CDH13: variants seen among roughly 807,000 people sequenced by gnomAD.
CDH13 encodes the protein cadherin 13.
A neutral mutation model predicts 63.8 loss-of-function variants in CDH13; 24 were observed. The ratio of observed to expected loss-of-function variants is 0.38; its 90% CI spans 0.27 to 0.53. The LOEUF is 0.53. Ranked by LOEUF, CDH13 falls within the 20% of genes least tolerant of loss-of-function variation. The pLI is 0.85. For synonymous variants in CDH13, 503 were observed against 355.3 expected, an observed-to-expected ratio of 1.42 and a Z score of -4.67; for missense variants, 1,049 against 903.1, an observed-to-expected ratio of 1.16 and a Z score of -2.07.
At chr16:83,277,095 C>G (rs570562271) in intron 5 of CDH13, among the ~76,000 whole-genome samples, 3 of 152,078 alleles carry the variant, frequency 2.0e-5, no homozygotes, top group Non-Finnish European at 4.4e-5. Flanking sequence ...ACAGCCAAAT[C>G]ATATCACAGA....
intron 11 of CDH13, among the ~76,000 whole-genome samples, chr16:83,767,940 T>A (rs933377355): frequency 1.3e-5 from 2 of 152,058 alleles, no homozygotes; most frequent in Non-Finnish European, 2.9e-5. Context: ...CGCACAACTC[T>A]GTAAATGTAC....
At chr16:83,453,787 T>C (rs929398647) in intron 6 of CDH13, among the ~76,000 whole-genome samples, 3 of 152,208 alleles carry the variant, frequency 2.0e-5, no homozygotes, top group African/African-American at 7.2e-5. Context: ...GAGCTGGGAC[T>C]CTGCAGATCA....
chr16:82,842,091 CATATATATATAT>C (rs1186963516), intron 1 of CDH13, among the ~76,000 whole-genome samples: 1 of 41,676 alleles, frequency 2.4e-5, no homozygotes, highest in Non-Finnish European at 5.7e-5. Context: ...TTGCATTCTA[CATATATATATAT>C]ATATATATGT....
At chr16:82,658,288 A>T (rs923083321) in intron 1 of CDH13, among the ~76,000 whole-genome samples, 2 of 152,184 alleles carry the variant, frequency 1.3e-5, no homozygotes, top group African/African-American at 4.8e-5. Context: ...ATTTTACAGA[A>T]AGTAATGCCA....
intron 8 of CDH13, among the ~76,000 whole-genome samples, chr16:83,653,754 G>T (rs554969546): frequency 1.3e-5 from 2 of 152,104 alleles, no homozygotes; most frequent in East Asian, 3.9e-4. Flanking sequence ...AACAAGCTGG[G>T]TATTTGATTA....
At chr16:83,299,845 T>C (rs1289019540) in intron 5 of CDH13, among the ~76,000 whole-genome samples, 5 of 152,204 alleles carry the variant, frequency 3.3e-5, no homozygotes, top group Non-Finnish European at 7.3e-5. Context: ...CACAGCTTAG[T>C]GAGATCAGGC....
intron 6 of CDH13, among the ~76,000 whole-genome samples, chr16:83,475,651 G>A (rs573717830): frequency 9.8e-4 from 149 of 151,688 alleles, no homozygotes; most frequent in African/African-American, 3.4e-3. Flanking sequence ...GTGTGATCTC[G>A]GCTCCCTGCA....
chr16:83,609,240 T>A (rs563351921), intron 8 of CDH13, among the ~76,000 whole-genome samples: 1 of 149,022 alleles, frequency 6.7e-6, no homozygotes, highest in Non-Finnish European at 1.5e-5. Flanking sequence ...CATTATGAGA[T>A]TTTTTTTTTA....
At chr16:83,745,986 A>C (rs374581942) in intron 10 of CDH13, among the ~76,000 whole-genome samples, 1 of 152,190 alleles carries the variant, frequency 6.6e-6, no homozygotes, top group Non-Finnish European at 1.5e-5. Context: ...TCGCAGCTCC[A>C]AGGTCAGACC....
chr16:83,080,871 G>GTTTTTTTTTTTTTTTTTTTTTTTTTTTT lies in CDH13; in HGVS notation c.367-44487_367-44486insTTTTTTTTTTTTTTTTTTTTTTTTTTTT, dbSNP rs71148809. 2.1e-4 allele frequency among the ~76,000 whole-genome samples: 10 copies of GTTTTTTTTTTTTTTTTTTTTTTTTTTTT among 46,956 alleles called. 2 individuals carry two copies. The highest frequency in any genetic ancestry group is 9.5e-4 in the East Asian group (1 of 1,054). The allele number at this position is 46,956 out of a possible 152,430, so 30.8% of individuals were successfully genotyped here. A position where few individuals can be genotyped will look rare whatever the true frequency, so the allele number is the denominator to read the frequency against. On this transcript the variant is annotated intron_variant, in intron 3 of 13. Coordinates refer to ENST00000567109, the MANE Select transcript of CDH13 (RefSeq NM_001257.5). Reference sequence around the variant, plus strand: ...AGATAGAGTTTTGTTTTGTTTTTGTGTTTTTTTTTTTTTTTTTTTTTTTTT... The same window carrying GTTTTTTTTTTTTTTTTTTTTTTTTTTTT: ...AGATAGAGTTTTGTTTTGTTTTTGTGTTTTTTTTTTTTTTTTTTTTTTTTTTTTTTTTTTTTTTTTTTTTTTTTTTTTT...
intron 7 of CDH13, among the ~76,000 whole-genome samples, chr16:83,580,557 T>C (rs1246232873): frequency 6.7e-6 from 1 of 148,458 alleles, no homozygotes; most frequent in African/African-American, 2.5e-5. Context: ...TGCAGTGGTA[T>C]GATCTGAGTT....
chr16:82,708,829 C>T lies in CDH13; in HGVS notation c.45+81692C>T, dbSNP rs1371568372. Among the ~76,000 whole-genome samples the T allele has an allele frequency of 3.3e-5, 5 of 152,172 alleles. 1 individual carries two copies. The highest frequency in any genetic ancestry group is 7.3e-5 in the Non-Finnish European group (5 of 68,040). On this transcript the variant is annotated intron_variant, in intron 1 of 13. Coordinates refer to ENST00000567109, the MANE Select transcript of CDH13 (RefSeq NM_001257.5). ...AACACAACTTGCACAGTGTGAATAT[C>T]AGAGTACTATGTGAGAAAGTACTCT... is the stretch of plus-strand genomic sequence containing the variant.
chr16:82,715,537 A>G (rs2151013604), intron 1 of CDH13, among the ~76,000 whole-genome samples: 1 of 152,258 alleles, frequency 6.6e-6, no homozygotes, highest in Admixed American at 6.5e-5. Context: ...AATCTCCCTC[A>G]CCAGATTAGC....
intron 10 of CDH13, among the ~76,000 whole-genome samples, chr16:83,744,994 A>G (rs796539381): frequency 3.5e-4 from 54 of 152,308 alleles, no homozygotes; most frequent in African/African-American, 1.2e-3. Context: ...ATATTAGCCA[A>G]TGATCTTGGC....
intron 8 of CDH13, among the ~76,000 whole-genome samples, chr16:83,635,990 G>A (rs1355871863): frequency 6.6e-6 from 1 of 152,036 alleles, no homozygotes; most frequent in African/African-American, 2.4e-5. Context: ...TATGTAAAGT[G>A]TAAGGTTTAG....
chr16:82,930,868 C>T (rs1349788368), intron 2 of CDH13, among the ~76,000 whole-genome samples: 1 of 152,188 alleles, frequency 6.6e-6, no homozygotes, highest in African/African-American at 2.4e-5. Flanking sequence ...ACATAAATCA[C>T]TCCTCTTCCC....
At chr16:82,833,110 C>G (rs1035942472) in intron 1 of CDH13, among the ~76,000 whole-genome samples, 39 of 152,150 alleles carry the variant, frequency 2.6e-4, no homozygotes, top group Non-Finnish European at 1.8e-4. Context: ...AGAAGGAGAG[C>G]CAATGTGAGA....
intron 7 of CDH13, among the ~76,000 whole-genome samples, chr16:83,592,613 C>T (rs1906865924): frequency 6.6e-6 from 1 of 152,230 alleles, no homozygotes; most frequent in Admixed American, 6.5e-5. Context: ...TGTCCCTCAA[C>T]CGCAAATCTA....
At chr16:83,182,503 G>C (rs902853234) in intron 4 of CDH13, among the ~76,000 whole-genome samples, 1 of 152,212 alleles carries the variant, frequency 6.6e-6, no homozygotes, top group Admixed American at 6.5e-5. Context: ...TGATCTCCAC[G>C]TGAAAGGTGA....
Sources: allele counts gnomAD v4.1 joint callset (sites outside exome capture counted in the v4.1 genomes callset), GRCh38; gene constraint gnomAD v4.1.1; transcripts MANE v1.5; gene names NCBI Gene and HGNC (gene_info 2026-07-23, HGNC 2026-07-21).